The following ACTR3C variants were observed in gnomAD, a reference collection of about 807,000 sequenced individuals.
ACTR3C encodes the protein actin-related protein 3C.
ACTR3C carries 18 observed loss-of-function variants against 26.3 expected under a neutral mutation model. The ratio of observed to expected loss-of-function variants is 0.68; its 90% CI spans 0.47 to 1.01. The LOEUF is 1.01. ACTR3C is among the 50% of genes least tolerant of loss of function. ACTR3C has a pLI of 0.00. For missense variants in ACTR3C, 184 were observed against 250.7 expected, an observed-to-expected ratio of 0.73 and a Z score of 1.80; for synonymous variants, 55 against 94.5, an observed-to-expected ratio of 0.58 and a Z score of 2.42.
intron 3 of ACTR3C, among the ~76,000 whole-genome samples, chr7:150,291,213 C>T (rs1836231401): frequency 6.6e-6 from 1 of 152,176 alleles, no homozygotes; most frequent in Non-Finnish European, 1.5e-5. Flanking sequence ...GGCGGATCAC[C>T]TGAAGTCGGC....
the ACTR3C span, among the ~76,000 whole-genome samples, chr7:150,086,127 G>A: frequency 6.6e-6 from 1 of 152,056 alleles, no homozygotes; most frequent in African/African-American, 2.4e-5. Context: ...GGGACTACAC[G>A]TGTGTGCCAC....
the ACTR3C span, among the ~76,000 whole-genome samples, chr7:150,071,210 G>A: frequency 3.3e-5 from 5 of 151,744 alleles, no homozygotes; most frequent in Non-Finnish European, 7.4e-5. Context: ...TGCAAGCTCC[G>A]CCTCCCGGGT....
chr7:150,052,097 T>A, the ACTR3C span, among the ~76,000 whole-genome samples: 1 of 151,714 alleles, frequency 6.6e-6, no homozygotes, highest in Non-Finnish European at 1.5e-5. Context: ...CCTAAAACAG[T>A]GGGCATCACT....
At chr7:150,096,860 G>C in the ACTR3C span, among the ~76,000 whole-genome samples, 4 of 151,848 alleles carry the variant, frequency 2.6e-5, no homozygotes, top group Admixed American at 6.6e-5. Flanking sequence ...GCATGCGCTT[G>C]TCATGGCCAT....
chr7:150,251,848 G>A (rs1201651597), intron 6 of ACTR3C, among the ~76,000 whole-genome samples: 1 of 152,072 alleles, frequency 6.6e-6, no homozygotes, highest in East Asian at 1.9e-4. Context: ...TAAGTGAGAA[G>A]CAATTATCAC....
At chr7:150,266,174 T>C (rs146737432) in intron 6 of ACTR3C, among the ~76,000 whole-genome samples, 10,159 of 138,046 alleles carry the variant, frequency 0.074, 742 homozygotes, top group African/African-American at 0.18. Flanking sequence ...AATAAATGTT[T>C]ATTATAATAC....
the ACTR3C span, among the ~76,000 whole-genome samples, chr7:150,087,020 G>A: frequency 6.6e-6 from 1 of 152,024 alleles, no homozygotes; most frequent in Non-Finnish European, 1.5e-5. Context: ...AGCCTCTAAA[G>A]GTTTGTCCAC....
the ACTR3C span, among the ~76,000 whole-genome samples, chr7:150,046,360 CG>C: frequency 9.9e-6 from 1 of 100,570 alleles, no homozygotes; most frequent in Non-Finnish European, 2.3e-5. Flanking sequence ...CCCCCCCCCC[CG>C]ACCCAAACAC....
At chr7:150,169,357 T>C in the ACTR3C span, among the ~76,000 whole-genome samples, 1 of 130,926 alleles carries the variant, frequency 7.6e-6, no homozygotes, top group Non-Finnish European at 1.5e-5. Flanking sequence ...TGCTCCAGCC[T>C]GGGCAACAGA....
chr7:149,955,550 G>A, the ACTR3C span, among the ~76,000 whole-genome samples: 136 of 152,244 alleles, frequency 8.9e-4, no homozygotes, highest in African/African-American at 3.1e-3. Flanking sequence ...GTGAGGAAGG[G>A]CGGGGAAAAG....
the ACTR3C span, among the ~76,000 whole-genome samples, chr7:150,065,721 CAT>C: frequency 6.6e-6 from 1 of 150,612 alleles, no homozygotes. Context: ...GTCCATTTTG[CAT>C]ATGTTTTAGC....
the ACTR3C span, among the ~76,000 whole-genome samples, chr7:149,945,012 G>A: frequency 1.3e-5 from 2 of 151,896 alleles, no homozygotes; most frequent in African/African-American, 2.4e-5. Context: ...CAAAGGTGAT[G>A]GAAAAGCCTC....
the ACTR3C span, among the ~76,000 whole-genome samples, chr7:149,942,267 C>G: frequency 6.6e-6 from 1 of 152,188 alleles, no homozygotes. Context: ...TCACCTTAGA[C>G]TTCAGTCAAT....
the ACTR3C span, among the ~76,000 whole-genome samples, chr7:150,093,910 C>T: frequency 6.6e-6 from 1 of 150,852 alleles, no homozygotes; most frequent in Non-Finnish European, 1.5e-5. Flanking sequence ...TTCCTGCGTG[C>T]AGATAGTCTT....
the ACTR3C span, among the ~76,000 whole-genome samples, chr7:150,023,655 G>C: frequency 6.6e-6 from 1 of 150,470 alleles, no homozygotes; most frequent in Non-Finnish European, 1.5e-5. Flanking sequence ...GATGTGGGGA[G>C]ATTTTTAGCT....
the ACTR3C span, among the ~76,000 whole-genome samples, chr7:150,037,366 C>G: frequency 1.7e-5 from 1 of 58,978 alleles, no homozygotes; most frequent in Admixed American, 1.8e-4. Context: ...CAGTCCCCGC[C>G]TCGCGGGGGG....
intron 1 of ACTR3C, among the ~76,000 whole-genome samples, chr7:150,320,126 C>T (rs754427287): frequency 2.8e-4 from 43 of 152,008 alleles, no homozygotes; most frequent in Non-Finnish European, 5.3e-4. Flanking sequence ...AGTACTCTTA[C>T]CAGAAAAGGG....
the ACTR3C span, among the ~76,000 whole-genome samples, chr7:150,221,109 G>A: frequency 6.6e-6 from 1 of 152,276 alleles, no homozygotes; most frequent in South Asian, 2.1e-4. Flanking sequence ...ACAGCGGAGG[G>A]ATGCGAGCGC....
the ACTR3C span, among the ~76,000 whole-genome samples, chr7:149,926,257 G>T: frequency 9.5e-3 from 1,439 of 152,264 alleles, 91 homozygotes; most frequent in East Asian, 0.17. Context: ...TATCATTAAG[G>T]GTTAATATTC....
Sources: gnomAD v4.1 joint callset for allele counts (sites outside exome capture counted in the v4.1 genomes callset) on GRCh38, gnomAD v4.1.1 for gene constraint, MANE v1.5 for transcripts, NCBI Gene and HGNC (gene_info 2026-07-23, HGNC 2026-07-21) for gene names.